Variants in ASCC3 observed in about 807,000 individuals in gnomAD.
ASCC3 encodes activating signal cointegrator 1 complex subunit 3.
A neutral mutation model predicts 256.3 loss-of-function variants in ASCC3; 158 were observed. The observed-to-expected ratio is 0.62, with a 90% CI of 0.54 to 0.70. The LOEUF is 0.70. Among genes scored for constraint, ASCC3 ranks in the 30% least tolerant of loss-of-function variants. The probability of loss-of-function intolerance (pLI) is 0.00; values close to 1 mark genes in which losing one functional copy is unlikely to be tolerated. For synonymous variants in ASCC3, 948 were observed against 883.4 expected (o/e 1.07, Z -1.30); for missense variants, 2,259 against 2,626.0 (o/e 0.86, Z 3.05).
At chr6:100,639,494 C>A (rs1245734917) in intron 24 of ASCC3, among the ~76,000 whole-genome samples, 1 of 152,088 alleles carries the variant, frequency 6.6e-6, no homozygotes, top group East Asian at 1.9e-4. Flanking sequence ...TTTCCATAAT[C>A]CAGAAAGGTA....
At chr6:100,532,406 A>T (rs12201986) in intron 37 of ASCC3, among the ~76,000 whole-genome samples, 535 of 48,472 alleles carry the variant, frequency 0.011, 9 homozygotes, top group Non-Finnish European at 0.015. Context: ...ATATATATAT[A>T]TTTTTTTTTT....
Position 100,642,761 on chromosome 6 carries a change from T to C in ASCC3, c.3733-12A>G. 6.2e-7 allele frequency: 1 copy of C among 1,603,452 alleles called. No homozygotes were observed. Among genetic ancestry groups the C allele is most frequent in the Non-Finnish European group, 8.5e-7 (1 of 1,170,576 alleles). On this transcript the variant is annotated splice_polypyrimidine_tract_variant and intron_variant, in intron 23 of 41. Coordinates refer to ENST00000369162, the MANE Select transcript of ASCC3 (RefSeq NM_006828.4). ...TCTTTACTAATGACCTAATATGAAATACAGTCAAAAATAAATATGGATATT... is the reference window on the plus strand; with the variant it reads ...TCTTTACTAATGACCTAATATGAAACACAGTCAAAAATAAATATGGATATT...
chr6:100,853,825 A>G (rs1327215709), intron 3 of ASCC3, among the ~76,000 whole-genome samples: 1 of 152,192 alleles, frequency 6.6e-6, no homozygotes, highest in Non-Finnish European at 1.5e-5. Context: ...ATCCTCAGAG[A>G]TTAGCTGATT....
At position 100,511,196 on chromosome 6, in the gene ASCC3, T is replaced by C. The variant is rs542277866; in HGVS notation, c.6286-1089A>G. The stretch of plus-strand genomic sequence containing the variant: ...GGGTCACGCCTGTAATCCCAACACT[T>C]TGGGAGGCCAAGGCAGGTGGATCAC... On this transcript the variant is annotated intron_variant, in intron 40 of 41. Coordinates refer to ENST00000369162, the MANE Select transcript of ASCC3 (RefSeq NM_006828.4). Among the ~76,000 whole-genome samples, 3 of 152,276 alleles carry C rather than the reference T, an allele frequency of 2.0e-5. No individual in the cohort carries two copies. The South Asian group carries it at 6.2e-4, about 32-fold the overall frequency.
intron 3 of ASCC3, chr6:100,858,781 T>C (rs74654878): frequency 0.013 from 10,387 of 784,946 alleles, 104 homozygotes; most frequent in East Asian, 0.038. Flanking sequence ...AGCCACAACA[T>C]TATCACACCT....
At chr6:100,629,464 A>G (rs1186959761) in intron 26 of ASCC3, among the ~76,000 whole-genome samples, 1 of 152,168 alleles carries the variant, frequency 6.6e-6, no homozygotes, top group Non-Finnish European at 1.5e-5. Context: ...AATTATGTTT[A>G]TAGAAACTCC....
intron 5 of ASCC3, among the ~76,000 whole-genome samples, chr6:100,802,846 A>T (rs529796472): frequency 3.4e-3 from 502 of 149,850 alleles, no homozygotes; most frequent in African/African-American, 0.011. Context: ...TAAAAAAAAA[A>T]TTTTTTTTTT....
chr6:100,779,930 C>T (rs2114254854), intron 8 of ASCC3, among the ~76,000 whole-genome samples: 1 of 152,036 alleles, frequency 6.6e-6, no homozygotes, highest in Admixed American at 6.5e-5. Context: ...AAGGTGAGGA[C>T]TACATATTAA....
chr6:100,534,046 A>G (rs1428622820), intron 37 of ASCC3, among the ~76,000 whole-genome samples: 1 of 152,040 alleles, frequency 6.6e-6, no homozygotes, highest in African/African-American at 2.4e-5. Context: ...AGTTTGAGAC[A>G]AGACTGGACA....
At chr6:100,636,892 G>T (rs964007679) in intron 25 of ASCC3, among the ~76,000 whole-genome samples, 1 of 152,166 alleles carries the variant, frequency 6.6e-6, no homozygotes, top group Admixed American at 6.6e-5. Context: ...CAGAAGAAAA[G>T]TTTGAAGCTT....
At chr6:100,858,842 C>T (rs376725389) in intron 3 of ASCC3, 14 of 543,946 alleles carry the variant, frequency 2.6e-5, no homozygotes, top group South Asian at 1.6e-4. Flanking sequence ...ATTTCTCCAA[C>T]GGCCCCAAAA....
intron 4 of ASCC3, among the ~76,000 whole-genome samples, chr6:100,829,878 G>A (rs546581121): frequency 6.6e-6 from 1 of 152,146 alleles, no homozygotes; most frequent in African/African-American, 2.4e-5. Context: ...TGGCTTTGGG[G>A]GGCATTATTA....
intron 14 of ASCC3, among the ~76,000 whole-genome samples, chr6:100,663,492 T>G (rs1259757209): frequency 8.5e-5 from 13 of 152,052 alleles, no homozygotes. Context: ...GTTATCAGAT[T>G]GACTGTTTAA....
chr6:100,877,351 A>G (rs1774050939), intron 1 of ASCC3, among the ~76,000 whole-genome samples: 1 of 152,202 alleles, frequency 6.6e-6, no homozygotes, highest in Non-Finnish European at 1.5e-5. Flanking sequence ...TCAGTACTTA[A>G]AATAGAATCT....
At chr6:100,853,830 C>A (rs1772809228) in intron 3 of ASCC3, among the ~76,000 whole-genome samples, 1 of 152,110 alleles carries the variant, frequency 6.6e-6, no homozygotes, top group Non-Finnish European at 1.5e-5. Context: ...CAGAGATTAG[C>A]TGATTTTTTT....
Position 100,645,318 on chromosome 6 carries a change from T to A in ASCC3, c.3634-1189A>T, listed in dbSNP as rs548308835. Reference sequence around the variant, plus strand: ...TAGAAATATTAAATATAATTTTGTATCATCTAGTCCCAATGAAAATTCTGT... The same window carrying A: ...TAGAAATATTAAATATAATTTTGTAACATCTAGTCCCAATGAAAATTCTGT... On this transcript the variant is annotated intron_variant, in intron 22 of 41. Transcript: ENST00000369162. 2.0e-5 allele frequency among the ~76,000 whole-genome samples: 3 copies of A among 152,030 alleles called. No individual in the cohort carries two copies. The South Asian group carries it at 6.2e-4, about 32-fold the overall frequency.
At chr6:100,846,527 T>A (rs1355446848) in intron 4 of ASCC3, among the ~76,000 whole-genome samples, 3 of 152,184 alleles carry the variant, frequency 2.0e-5, no homozygotes, top group Non-Finnish European at 4.4e-5. Context: ...CAGACTTCAG[T>A]GTGGCTTGTC....
chr6:100,595,458 G>A (rs540912467), intron 34 of ASCC3, among the ~76,000 whole-genome samples: 2 of 152,198 alleles, frequency 1.3e-5, no homozygotes, highest in African/African-American at 4.8e-5. Context: ...TATATAAATT[G>A]TCAAAATTTA....
intron 37 of ASCC3, among the ~76,000 whole-genome samples, chr6:100,534,502 T>G (rs2114651040): frequency 6.6e-6 from 1 of 152,324 alleles, no homozygotes; most frequent in South Asian, 2.1e-4. Flanking sequence ...AAATACATTT[T>G]GCAGTTAATA....
Sources: allele counts gnomAD v4.1 joint callset (sites outside exome capture counted in the v4.1 genomes callset), GRCh38; gene constraint gnomAD v4.1.1; transcripts MANE v1.5; gene names NCBI Gene and HGNC (gene_info 2026-07-23, HGNC 2026-07-21).